DCDC2: variants seen among roughly 807,000 people sequenced by gnomAD.
DCDC2 encodes the protein doublecortin domain-containing protein 2.
A neutral mutation model predicts 50.2 loss-of-function variants in DCDC2; 40 were observed. The ratio of observed to expected loss-of-function variants is 0.80; its 90% CI spans 0.62 to 1.04. DCDC2 has a LOEUF of 1.04. Among genes scored for constraint, DCDC2 ranks in the 50% least tolerant of loss-of-function variants. The pLI, the probability that DCDC2 is intolerant of heterozygous loss-of-function variation, is 0.00. For missense variants in DCDC2, 570 were observed against 581.9 expected (o/e 0.98, Z 0.21); for synonymous variants, 234 against 210.6 (o/e 1.11, Z -0.96).
chr6:24,329,279 C>A (rs1269027901), intron 2 of DCDC2, among the ~76,000 whole-genome samples: 2 of 152,088 alleles, frequency 1.3e-5, no homozygotes, highest in South Asian at 4.2e-4. Context: ...AGAATATTAA[C>A]CCTCATTCCC....
chr6:24,375,097 A>C, the DCDC2 span, among the ~76,000 whole-genome samples: 1 of 152,162 alleles, frequency 6.6e-6, no homozygotes, highest in South Asian at 2.1e-4. Flanking sequence ...CTGCAGCTTA[A>C]TTCTGTGGAA....
In DCDC2 at chr6:24,175,173, G is replaced by A. The variant is rs541223430; in HGVS notation, c.1327-339C>T. Among the ~76,000 whole-genome samples, 25 of 152,156 alleles carry A rather than the reference G, an allele frequency of 1.6e-4. No individual in the cohort carries two copies. The East Asian group carries it at 4.8e-3, about 29-fold the overall frequency. ...TATACTTTTCAGTTTAGCATTTTCA[G>A]AGACAAAGGAAGAAAAAATTCAGGG... On this transcript the variant is annotated intron_variant, in intron 9 of 9. Coordinates refer to ENST00000378454, the MANE Select transcript of DCDC2 (RefSeq NM_016356.5).
chr6:24,317,645 T>C (rs12213122), intron 2 of DCDC2, among the ~76,000 whole-genome samples: 24,160 of 151,832 alleles, frequency 0.16, 1,978 homozygotes, highest in South Asian at 0.22. Context: ...TAAATTTGAC[T>C]AACATAAAAA....
chr6:24,258,953 G>A (rs1415046160), intron 7 of DCDC2, among the ~76,000 whole-genome samples: 1 of 152,108 alleles, frequency 6.6e-6, no homozygotes, highest in Non-Finnish European at 1.5e-5. Flanking sequence ...CATCTTCATT[G>A]TGCACTAAAG....
chr6:24,259,916 G>T (rs985171402), intron 7 of DCDC2, among the ~76,000 whole-genome samples: 2 of 152,246 alleles, frequency 1.3e-5, no homozygotes, highest in Admixed American at 1.3e-4. Flanking sequence ...CCATTTTTAT[G>T]CCTCTCCTCT....
At chr6:24,320,964 A>ATT (rs1561773811) in intron 2 of DCDC2, among the ~76,000 whole-genome samples, 1 of 144,090 alleles carries the variant, frequency 6.9e-6, no homozygotes, top group Non-Finnish European at 1.5e-5. Context: ...AAATTAAAAA[A>ATT]AAAAAAAAAA....
rs67689070 is a variant in DCDC2, at chr6:24,214,924, TATG to T, written c.923-9825_923-9823del. On this transcript the variant is annotated intron_variant, in intron 7 of 9. Transcript: ENST00000378454. ...AATTCTGTGTTCACTACTTCCTTATTATGCAATGTTTACTGAGCTTCCTCATGC... is the reference window on the plus strand; with the variant it reads ...AATTCTGTGTTCACTACTTCCTTATTCAATGTTTACTGAGCTTCCTCATGC... Among the ~76,000 whole-genome samples, 1,521 of 152,296 alleles carry T rather than the reference TATG, an allele frequency of 1.0e-2. 29 individuals are homozygous for T. The highest frequency in any genetic ancestry group is 0.035 in the African/African-American group (1,438 of 41,554).
chr6:24,350,793 T>C (rs1387640173), intron 2 of DCDC2, among the ~76,000 whole-genome samples: 2 of 152,206 alleles, frequency 1.3e-5, no homozygotes, highest in African/African-American at 2.4e-5. Flanking sequence ...TCATCCTTAA[T>C]AGCACTTAAC....
At chr6:24,306,849 A>G (rs1450161362) in intron 2 of DCDC2, among the ~76,000 whole-genome samples, 2 of 152,250 alleles carry the variant, frequency 1.3e-5, no homozygotes, top group Non-Finnish European at 2.9e-5. Flanking sequence ...GTAGGTCAAT[A>G]TCACAGCTGG....
chr6:24,263,308 T>C (rs1375934304), intron 7 of DCDC2, among the ~76,000 whole-genome samples: 2 of 152,040 alleles, frequency 1.3e-5, no homozygotes, highest in Non-Finnish European at 1.5e-5. Context: ...CCACAACAAA[T>C]ATCTAACCGT....
chr6:24,277,907 A>G (rs1048344333), intron 7 of DCDC2, 142 bp downstream of exon 7: 1 of 616,340 alleles, frequency 1.6e-6, no homozygotes, highest in African/African-American at 1.9e-5. Flanking sequence ...AAACAGCAGC[A>G]TCTCTCATAT....
chr6:24,218,974 C>G (rs1770465), intron 7 of DCDC2, among the ~76,000 whole-genome samples: 97,543 of 152,052 alleles, frequency 0.64, 32,457 homozygotes, highest in Non-Finnish European at 0.73. Flanking sequence ...TAACTGATAA[C>G]TATGAAATAC....
chr6:24,273,879 C>A (rs1246957301), intron 7 of DCDC2, among the ~76,000 whole-genome samples: 1 of 152,188 alleles, frequency 6.6e-6, no homozygotes, highest in East Asian at 1.9e-4. Context: ...TTCAGACATC[C>A]TTCTGCCGGC....
intron 8 of DCDC2, among the ~76,000 whole-genome samples, chr6:24,197,878 C>T (rs1337540048): frequency 2.0e-5 from 3 of 152,180 alleles, no homozygotes; most frequent in Admixed American, 2.0e-4. Context: ...CCCTCCTCAC[C>T]TAAACTCCAA....
intron 7 of DCDC2, among the ~76,000 whole-genome samples, chr6:24,228,042 G>A (rs1247479681): frequency 6.6e-6 from 1 of 152,154 alleles, no homozygotes; most frequent in African/African-American, 2.4e-5. Flanking sequence ...TAATTCATAG[G>A]TGGAAAGTTG....
chr6:24,287,807 T>C (rs967674357), intron 6 of DCDC2, among the ~76,000 whole-genome samples: 2 of 152,226 alleles, frequency 1.3e-5, no homozygotes, highest in African/African-American at 2.4e-5. Context: ...TGGTCACCAA[T>C]CTCTAGATAT....
upstream of DCDC2, among the ~76,000 whole-genome samples, chr6:24,362,097 G>A (rs1760674335): frequency 6.6e-6 from 1 of 152,100 alleles, no homozygotes; most frequent in African/African-American, 2.4e-5. Flanking sequence ...GCAGACTTGT[G>A]TAACTTTAAG....
chr6:24,225,011 T>C (rs1249613033), intron 7 of DCDC2, among the ~76,000 whole-genome samples: 1 of 152,154 alleles, frequency 6.6e-6, no homozygotes, highest in African/African-American at 2.4e-5. Flanking sequence ...TTCCATCAGA[T>C]TGGTGCTTTA....
At chr6:24,313,406 T>C (rs1759606033) in intron 2 of DCDC2, among the ~76,000 whole-genome samples, 1 of 152,274 alleles carries the variant, frequency 6.6e-6, no homozygotes, top group East Asian at 1.9e-4. Context: ...TATTTGGGGA[T>C]TGTTTGTCTT....
Sources: allele counts gnomAD v4.1 joint callset (sites outside exome capture counted in the v4.1 genomes callset), GRCh38; gene constraint gnomAD v4.1.1; transcripts MANE v1.5; gene names NCBI Gene and HGNC (gene_info 2026-07-23, HGNC 2026-07-21).